DOCK7: variants seen among roughly 807,000 people sequenced by gnomAD.
The protein encoded by DOCK7 is dedicator of cytokinesis protein 7.
A neutral mutation model predicts 271.0 loss-of-function variants in DOCK7; 138 were observed. The observed-to-expected ratio is 0.51, with a 90% CI of 0.44 to 0.59. The LOEUF (loss-of-function observed/expected upper bound fraction) is 0.59, where lower values mean the gene tolerates loss of function less well. Among genes scored for constraint, DOCK7 ranks in the 20% least tolerant of loss-of-function variants. DOCK7 has a pLI of 0.00. For missense variants in DOCK7, 2,066 were observed against 2,592.4 expected (o/e 0.80, Z 4.41); for synonymous variants, 823 against 876.1 (o/e 0.94, Z 1.07).
At chr1:62,499,741 T>C (rs919790740) in intron 37 of DOCK7, among the ~76,000 whole-genome samples, 6 of 151,612 alleles carry the variant, frequency 4.0e-5, no homozygotes, top group Non-Finnish European at 7.4e-5. Context: ...AGGCATGACA[T>C]GGTGGTGTGT....
chr1:62,561,589 T>C (rs766790074), intron 19 of DOCK7, 28 bp downstream of exon 19: 2 of 1,398,988 alleles, frequency 1.4e-6, no homozygotes, highest in Non-Finnish European at 9.6e-7. Context: ...TTAAGTGAAA[T>C]TTGATAATAA....
intron 14 of DOCK7, among the ~76,000 whole-genome samples, chr1:62,609,859 A>G (rs887401433): frequency 2.0e-5 from 3 of 151,820 alleles, no homozygotes; most frequent in African/African-American, 7.3e-5. Context: ...TTCGAGATGG[A>G]GTCTCGCTCT....
intron 40 of DOCK7, among the ~76,000 whole-genome samples, 173 bp from the exon 41 acceptor site, chr1:62,493,020 A>G (rs1249689996): frequency 6.6e-6 from 1 of 152,232 alleles, no homozygotes; most frequent in Admixed American, 6.5e-5. Context: ...GAAGATGATA[A>G]TAAAATGAAA....
At chr1:62,512,898 G>A (rs766799271) in intron 33 of DOCK7, among the ~76,000 whole-genome samples, 4 of 151,354 alleles carry the variant, frequency 2.6e-5, no homozygotes, top group Admixed American at 6.6e-5. Flanking sequence ...GTGACAGAGC[G>A]AGAATCTGTC....
intron 29 of DOCK7, among the ~76,000 whole-genome samples, chr1:62,529,778 T>C (rs1645120508): frequency 6.6e-6 from 1 of 152,222 alleles, no homozygotes; most frequent in Admixed American, 6.5e-5. Context: ...ATTTTGAAGC[T>C]AAACAAGGTA....
intron 48 of DOCK7, among the ~76,000 whole-genome samples, chr1:62,470,723 G>A (rs902081064): frequency 1.3e-5 from 2 of 152,126 alleles, no homozygotes; most frequent in African/African-American, 4.8e-5. Flanking sequence ...GAACCCAGGA[G>A]GCAGAGGGTG....
intron 30 of DOCK7, 106 bp downstream of exon 30, chr1:62,529,171 C>T: frequency 1.7e-6 from 2 of 1,159,068 alleles, no homozygotes; most frequent in Non-Finnish European, 2.3e-6. Flanking sequence ...TTGATCAGCA[C>T]ACAATTCTTA....
rs536065736 is a variant in DOCK7 at position 62,651,750 on chromosome 1, A to C, written c.389+1975T>G. ...GTATTCTTTACACTTACAGATCTTA[A>C]TCTGTGTTCCATTAACTATTTCCTA... On this transcript the variant is annotated intron_variant, in intron 4 of 49. Transcript: ENST00000635253. 5.9e-5 allele frequency among the ~76,000 whole-genome samples: 9 copies of C among 152,254 alleles called. No individual in the cohort carries two copies. The South Asian group carries it at 1.9e-3, about 32-fold the overall frequency.
chr1:62,550,729 T>G (rs1645866955), intron 22 of DOCK7, among the ~76,000 whole-genome samples: 1 of 152,004 alleles, frequency 6.6e-6, no homozygotes, highest in African/African-American at 2.4e-5. Flanking sequence ...ATTTTTTTTT[T>G]TTTTTTCTGA....
intron 7 of DOCK7, among the ~76,000 whole-genome samples, chr1:62,642,989 T>A (rs572322879): frequency 1.4e-5 from 2 of 144,438 alleles, no homozygotes; most frequent in African/African-American, 5.5e-5. Flanking sequence ...ATAAATGATA[T>A]GCTGTAAGAG....
chr1:62,566,456 C>T (rs957404924), intron 18 of DOCK7, among the ~76,000 whole-genome samples: 5 of 152,182 alleles, frequency 3.3e-5, no homozygotes, highest in Non-Finnish European at 7.3e-5. Context: ...AAAGGATTCC[C>T]TATTTGATAA....
chr1:62,669,080 T>C (rs1353311300), intron 1 of DOCK7, among the ~76,000 whole-genome samples: 1 of 152,180 alleles, frequency 6.6e-6, no homozygotes, highest in Admixed American at 6.5e-5. Context: ...TTCCATACAA[T>C]TGAGTGTCTA....
chr1:62,597,930 T>G, intron 14 of DOCK7: 1 of 1,550,638 alleles, frequency 6.4e-7, no homozygotes, highest in South Asian at 1.3e-5. Context: ...TGAACTCAAC[T>G]CAAAACTTGA....
chr1:62,543,667 G>C lies in DOCK7; in HGVS notation c.2938C>G (p.Pro980Ala). Residue 980 changes from proline (P) to alanine (A), a missense_variant, in exon 24 of 50, where the codon CCA becomes GCA. Pro to Ala is a conservative substitution (Grantham distance 27). Around this residue, in one of 2 missense-constraint regions of DOCK7, gnomAD observed 1,414 missense variants for 1,670.4 expected, o/e 0.85. Transcript: ENST00000635253. ...SFLQTLTGRL[P>A]TKKLFHEELA... The stretch of plus-strand genomic sequence containing the variant: ...TCATATGAATCTACCTTTTTAGTTG[G>C]TAAGCGTCCCGTTAATGTTTGTAAG... 1 of 1,599,470 alleles carries C rather than the reference G, an allele frequency of 6.3e-7. No individual in the cohort carries two copies. The highest frequency in any genetic ancestry group is 1.1e-5 in the South Asian group (1 of 89,192).
intron 48 of DOCK7, among the ~76,000 whole-genome samples, chr1:62,468,526 C>CA (rs1645744365): frequency 1.3e-5 from 2 of 152,032 alleles, no homozygotes; most frequent in Non-Finnish European, 2.9e-5. Context: ...CCACTCTTAC[C>CA]ACTTCTCTTC....
chr1:62,549,182 T>C (rs1023061830), intron 22 of DOCK7, among the ~76,000 whole-genome samples: 1 of 152,080 alleles, frequency 6.6e-6, no homozygotes, highest in Non-Finnish European at 1.5e-5. Context: ...CAGAATGTAG[T>C]ACCCTGGAAG....
At position 62,604,885 on chromosome 1, in the gene DOCK7, T is replaced by C. The variant is rs1650742306; in HGVS notation, c.1682+13821A>G. On this transcript the variant is annotated intron_variant, in intron 14 of 49. Transcript: ENST00000635253. ...ATTCCAAGTTAATGTGGTCTAATAA[T>C]CTGGTATTAAATCCTTAAGAGAAAG... 6 of 1,494,154 alleles carry C rather than the reference T, an allele frequency of 4.0e-6. No homozygotes were observed. In the South Asian group the frequency reaches 6.9e-5, roughly 17 times the overall value. 92.6% of individuals were successfully genotyped at this position (1,494,154 alleles called of 1,614,324 possible). A position where few individuals can be genotyped will look rare whatever the true frequency, so the allele number is the denominator to read the frequency against.
chr1:62,648,020 T>C, intron 6 of DOCK7, 86 bp downstream of exon 6: 1 of 1,296,818 alleles, frequency 7.7e-7, no homozygotes, highest in Non-Finnish European at 1.1e-6. Context: ...CTTTATCCTC[T>C]ACATTTTGTA....
At chr1:62,635,037 CTG>C (rs1355483514) in intron 8 of DOCK7, 115 bp from the exon 9 acceptor site, 3 of 556,336 alleles carry the variant, frequency 5.4e-6, no homozygotes, top group Non-Finnish European at 9.1e-6. Flanking sequence ...AAACAATAAT[CTG>C]TTTTCAATTA....
Sources: gnomAD v4.1 joint callset for allele counts (sites outside exome capture counted in the v4.1 genomes callset) on GRCh38, gnomAD v4.1.1 for gene constraint, gnomAD v4.1.1 regional missense constraint, MANE v1.5 for transcripts, NCBI Gene and HGNC (gene_info 2026-07-23, HGNC 2026-07-21) for gene names.